OCEL1: variants seen among roughly 807,000 people sequenced by gnomAD.
OCEL1 encodes occludin/ELL domain-containing protein 1.
A neutral mutation model predicts 29.4 loss-of-function variants in OCEL1; 24 were observed. The observed-to-expected ratio is 0.82, with a 90% CI of 0.59 to 1.15. OCEL1 has a LOEUF of 1.15. Ranked by LOEUF, OCEL1 falls within the 50% of genes most tolerant of loss-of-function variation. The probability of loss-of-function intolerance (pLI) is 0.00; values close to 1 mark genes in which losing one functional copy is unlikely to be tolerated. For missense variants in OCEL1, 402 were observed against 352.5 expected (o/e 1.14, Z -1.13); for synonymous variants, 172 against 145.3 (o/e 1.18, Z -1.32).
At position 17,229,026 on chromosome 19, in the gene OCEL1, C is replaced by T. The variant is rs755804633; in HGVS notation, c.*101C>T. The T allele has an allele frequency of 4.3e-6, 6 of 1,393,490 alleles. No individual in the cohort carries two copies. Among genetic ancestry groups the T allele is most frequent in the South Asian group, 2.6e-5 (2 of 77,458 alleles). The allele number at this position is 1,393,490 out of a possible 1,614,324, so 86.3% of individuals were successfully genotyped here. A position where few individuals can be genotyped will look rare whatever the true frequency, so the allele number is the denominator to read the frequency against. On this transcript the variant is annotated 3_prime_UTR_variant, in exon 6 of 6. Coordinates refer to ENST00000215061, the MANE Select transcript of OCEL1 (RefSeq NM_024578.3). The stretch of plus-strand genomic sequence containing the variant: ...TCTTGCAGCTCCCCCTACCAGGGGT[C>T]GCTTTCTCCTGGATTGCAAATGCCT...
chr19:17,227,473 C>A (rs1473809048), intron 3 of OCEL1, among the ~76,000 whole-genome samples: 1 of 152,058 alleles, frequency 6.6e-6, no homozygotes, highest in Admixed American at 6.6e-5. Flanking sequence ...GGCGGATCAC[C>A]TGAGGTCAGG....
intron 5 of OCEL1, 29 bp from the exon 6 acceptor site, chr19:17,228,774 C>A (rs1568313988): frequency 6.2e-7 from 1 of 1,608,772 alleles, no homozygotes; most frequent in South Asian, 1.1e-5. Flanking sequence ...CAGACTGCTG[C>A]AAAGACTTCC....
chr19:17,228,278 G>T lies in OCEL1; in HGVS notation c.641G>T (p.Arg214Leu). Residue 214 changes from arginine to leucine, a missense_variant, in exon 5 of 6, where the codon CGG (arginine) becomes CTG (leucine). Arg to Leu is a moderately radical substitution (Grantham distance 102, BLOSUM62 -2). Coordinates refer to ENST00000215061, the MANE Select transcript of OCEL1 (RefSeq NM_024578.3). ...QSQKEAQVAA[R>L]VWREFEMKRM... is the part of the protein sequence containing the mutation. ...CAGAAGGAGGCCCAAGTTGCAGCCC[G>T]GGTTTGGAGGGAGTTTGAGATGAAG... The T allele has an allele frequency of 6.2e-7, 1 of 1,614,092 alleles. No individual in the cohort carries two copies. Among genetic ancestry groups the T allele is most frequent in the Non-Finnish European group, 8.5e-7 (1 of 1,180,028 alleles).
Position 17,229,098 on chromosome 19 carries a change from TCCAG to T in OCEL1, c.*174_*177del. ...GACAGCCCCTCCTCCAGGAAGGCCT[TCCAG>T]GACTTCCTCCTCTGGGTCCTCTAGC... is the stretch of plus-strand genomic sequence containing the variant. On this transcript the variant is annotated 3_prime_UTR_variant, in exon 6 of 6. Transcript: ENST00000215061. The T allele has an allele frequency of 1.7e-6, 1 of 604,168 alleles. No homozygotes were observed. The highest frequency in any genetic ancestry group is 2.8e-6 in the Non-Finnish European group (1 of 362,714). 37.4% of individuals were successfully genotyped at this position (604,168 alleles called of 1,614,324 possible). A position where few individuals can be genotyped will look rare whatever the true frequency, so the allele number is the denominator to read the frequency against.
At position 17,228,245 on chromosome 19, in the gene OCEL1, T is replaced by C; in HGVS notation, c.619-11T>C. The C allele has an allele frequency of 6.2e-7, 1 of 1,613,740 alleles. No homozygotes were observed. The highest frequency in any genetic ancestry group is 1.3e-5 in the African/African-American group (1 of 74,896). On this transcript the variant is annotated splice_polypyrimidine_tract_variant and intron_variant, in intron 4 of 5. Coordinates refer to ENST00000215061, the MANE Select transcript of OCEL1 (RefSeq NM_024578.3). ...TCTCCCTAAACCCCCTTTCTACTCC[T>C]CCCCTTGCAGAAGGAGGCCCAAGTT...
At chr19:17,228,719 C>A (rs752354074) in intron 5 of OCEL1, 84 bp from the exon 6 acceptor site, 1 of 1,535,048 alleles carries the variant, frequency 6.5e-7, no homozygotes, top group East Asian at 2.3e-5. Flanking sequence ...AATTGAGGCT[C>A]GGAGAATGAA....
At position 17,227,197 on chromosome 19, in the gene OCEL1, G is replaced by T; in HGVS notation, c.450G>T (p.Glu150Asp). 1 of 1,488,924 alleles carries T rather than the reference G, an allele frequency of 6.7e-7. No individual in the cohort carries two copies. Among genetic ancestry groups the T allele is most frequent in the Non-Finnish European group, 8.9e-7 (1 of 1,122,980 alleles). The allele number at this position is 1,488,924 out of a possible 1,614,324, so 92.2% of individuals were successfully genotyped here. The change falls in exon 3 of 6, where the codon GAG (glutamate) becomes GAT (aspartate). Residue 150 changes from glutamate to aspartate, a missense_variant and splice_region_variant. Physicochemically the swap from Glu to Asp is conservative, Grantham distance 45. Coordinates refer to ENST00000215061, the MANE Select transcript of OCEL1 (RefSeq NM_024578.3). ...GGCCCCACCCAGTGCCCGACTATGA[G>T]CTGTGAGTGTCCCCCATGTGATTCT... is the stretch of plus-strand genomic sequence containing the variant. ...KPRPHPVPDY[E>D]LKYPPVSSER...
intron 5 of OCEL1, 28 bp downstream of exon 5, chr19:17,228,337 T>C (rs1599448718): frequency 1.2e-6 from 2 of 1,612,706 alleles, no homozygotes; most frequent in East Asian, 4.5e-5. Flanking sequence ...CAGCTTGGTC[T>C]TGCACCCCTG....
intron 5 of OCEL1, 50 bp from the exon 6 acceptor site, chr19:17,228,753 A>G: frequency 6.3e-7 from 1 of 1,589,274 alleles, no homozygotes; most frequent in Non-Finnish European, 8.6e-7. Context: ...AGCAGCTTGA[A>G]GGCCACAGGG....
intron 5 of OCEL1, 129 bp downstream of exon 5, chr19:17,228,438 T>G (rs1425569539): frequency 1.1e-6 from 1 of 929,962 alleles, no homozygotes; most frequent in Non-Finnish European, 1.6e-6. Flanking sequence ...CAGGCGGGAG[T>G]GCAGTGGTAT....
rs200330966 is a variant in OCEL1 at position 17,227,929 on chromosome 19, A to T, written c.542A>T (p.His181Leu). The change falls in exon 4 of 6, where the codon CAC becomes CTC. Residue 181 changes from histidine to leucine, a missense_variant. His to Leu is a moderately conservative substitution (Grantham distance 99). Transcript: ENST00000215061. ...TACGGAGAGTTCTTGGAGCTCCAGC[A>T]CGAGGTGGGGTGTGCACAGGCAAAG... is the stretch of plus-strand genomic sequence containing the variant. Reference protein sequence around the residue: ...DQYGEFLELQHEVGCAQAKLR... With the variant: ...DQYGEFLELQLEVGCAQAKLR... 11 of 1,613,462 alleles carry T rather than the reference A, an allele frequency of 6.8e-6. No homozygotes were observed. Among genetic ancestry groups the T allele is most frequent in the African/African-American group, 1.3e-5 (1 of 74,914 alleles).
chr19:17,228,063 C>A, intron 4 of OCEL1, 58 bp downstream of exon 4: 2 of 1,587,454 alleles, frequency 1.3e-6, no homozygotes, highest in African/African-American at 2.7e-5. Flanking sequence ...CGACCCAAGC[C>A]TCTGGGACAC....
rs1214047910 is a variant in OCEL1 at position 17,228,202 on chromosome 19, TC to T, written c.619-51del. 50 of 1,601,142 alleles carry T rather than the reference TC, an allele frequency of 3.1e-5. No homozygotes were observed. The African/African-American group carries it at 5.5e-4, about 18-fold the overall frequency. ...GTCTGTCTGAGCCTCAGTTTCTTCA[TC>T]CCTTCTTGAATTCAACTCTCCCTAA... On this transcript the variant is annotated intron_variant, in intron 4 of 5. Transcript: ENST00000215061.
chr19:17,228,726 T>C (rs553559256), intron 5 of OCEL1, 77 bp from the exon 6 acceptor site: 11 of 1,549,770 alleles, frequency 7.1e-6, no homozygotes, highest in Middle Eastern at 2.4e-4. Context: ...GCTCGGAGAA[T>C]GAAAGGCAGA....
intron 1 of OCEL1, 160 bp downstream of exon 1, chr19:17,226,476 T>C (rs567601025): frequency 3.5e-5 from 34 of 963,354 alleles, no homozygotes; most frequent in Admixed American, 1.4e-4. Flanking sequence ...CGCGGCGACG[T>C]CAGAGTTCAT....
At chr19:17,228,096 ACTCTTTCTC>A (rs1438950126) in intron 4 of OCEL1, 91 bp downstream of exon 4, 55 of 1,546,522 alleles carry the variant, frequency 3.6e-5, no homozygotes, top group Non-Finnish European at 4.6e-5. Flanking sequence ...GATTTCCAGG[ACTCTTTCTC>A]CTCTCGGTTG....
At position 17,227,896 on chromosome 19, in the gene OCEL1, A is replaced by G. The variant is rs368746127; in HGVS notation, c.509A>G (p.Gln170Arg). ...RERSRYVAVF[Q>R]DQYGEFLELQ... ...CGGAGCCGCTATGTCGCAGTGTTCC[A>G]GGACCAGTACGGAGAGTTCTTGGAG... The change falls in exon 4 of 6, where the codon CAG (glutamine) becomes CGG (arginine). Residue 170 changes from glutamine (Q) to arginine (R), a missense_variant. Physicochemically the swap from Gln to Arg is conservative, Grantham distance 43. Transcript: ENST00000215061. The G allele has an allele frequency of 1.9e-6, 3 of 1,613,812 alleles. No homozygotes were observed. Among genetic ancestry groups the G allele is most frequent in the African/African-American group, 1.3e-5 (1 of 74,928 alleles).
In OCEL1 at chr19:17,228,954, A is replaced by C. The variant is rs1292960140; in HGVS notation, c.*29A>C. On this transcript the variant is annotated 3_prime_UTR_variant, in exon 6 of 6. Transcript: ENST00000215061. ...CCCCTGCAGATGGGCAGAGGGATGC[A>C]TGGGGATGCAGGTCCCTTGCATTTC... The C allele has an allele frequency of 1.2e-6, 2 of 1,603,138 alleles. No homozygotes were observed. Among genetic ancestry groups the C allele is most frequent in the Non-Finnish European group, 1.7e-6 (2 of 1,174,636 alleles).
chr19:17,228,815 C>G lies in OCEL1; in HGVS notation c.685C>G (p.Leu229Val). 2 of 1,613,388 alleles carry G rather than the reference C, an allele frequency of 1.2e-6. No individual in the cohort carries two copies. Among genetic ancestry groups the G allele is most frequent in the Non-Finnish European group, 8.5e-7 (1 of 1,179,868 alleles). The change falls in exon 6 of 6, where the codon CTG becomes GTG. Residue 229 changes from leucine (L) to valine (V), a missense_variant. By Grantham distance (32) the Leu-to-Val change is conservative. Coordinates refer to ENST00000215061, the MANE Select transcript of OCEL1 (RefSeq NM_024578.3). Reference sequence around the variant, plus strand: ...TCGCCCTGCCTAGGATCCTGGCTTCCTGGACAAGCAGGCTCGCTGCCACTA... The same window carrying G: ...TCGCCCTGCCTAGGATCCTGGCTTCGTGGACAAGCAGGCTCGCTGCCACTA... ...FEMKRMDPGF[L>V]DKQARCHYLK... is the part of the protein sequence containing the mutation.
Sources: gnomAD v4.1 joint callset for allele counts (sites outside exome capture counted in the v4.1 genomes callset) on GRCh38, gnomAD v4.1.1 for gene constraint, MANE v1.5 for transcripts, NCBI Gene and HGNC (gene_info 2026-07-23, HGNC 2026-07-21) for gene names.